Variants in COL18A1 observed in about 807,000 individuals in gnomAD.
The protein encoded by COL18A1 is collagen type XVIII alpha 1 chain, also known as collagen alpha-1(XVIII) chain.
COL18A1 carries 133 observed loss-of-function variants against 168.0 expected under a neutral mutation model. That is an observed-to-expected ratio of 0.79 (90% confidence interval 0.69 to 0.91). COL18A1 has a LOEUF of 0.91. COL18A1 is among the 40% of genes least tolerant of loss of function. COL18A1 has a pLI of 0.00. For missense variants in COL18A1, 2,126 were observed against 1,925.4 expected (o/e 1.10, Z -1.95); for synonymous variants, 949 against 809.0 (o/e 1.17, Z -2.94).
At chr21:45,413,194 C>T (rs960761164) in intron 2 of COL18A1, among the ~76,000 whole-genome samples, 2 of 152,230 alleles carry the variant, frequency 1.3e-5, no homozygotes, top group Admixed American at 6.5e-5. Flanking sequence ...TGGTTTGCAA[C>T]GTGAGTAAAA....
At chr21:45,488,289 C>A (rs2036184689) in intron 17 of COL18A1, 129 bp from the exon 18 acceptor site, 12 of 1,162,926 alleles carry the variant, frequency 1.0e-5, no homozygotes, top group Non-Finnish European at 1.4e-5. Flanking sequence ...ACCATTTTAA[C>A]TTAGTACATT....
chr21:45,496,125 C>T lies in COL18A1; in HGVS notation c.2509-375C>T, dbSNP rs115543202. On this transcript the variant is annotated intron_variant, in intron 29 of 41. Coordinates refer to ENST00000651438, the MANE Select transcript of COL18A1 (RefSeq NM_001379500.1). ...TGCCCTCCATGCCCTCCAAGCCCTC[C>T]ATGCTGGGGGTTCTCCCGCTCAGCC... 548 of 401,216 alleles carry T rather than the reference C, an allele frequency of 1.4e-3. 3 individuals carry two copies. The highest frequency in any genetic ancestry group is 0.011 in the African/African-American group (513 of 48,558). The allele number at this position is 401,216 out of a possible 1,614,324, so 24.9% of individuals were successfully genotyped here.
chr21:45,489,067 G>C (rs2036211189), intron 18 of COL18A1, among the ~76,000 whole-genome samples: 1 of 152,184 alleles, frequency 6.6e-6, no homozygotes, highest in Non-Finnish European at 1.5e-5. Flanking sequence ...GCCCACCCTG[G>C]GGCTGCACTC....
chr21:45,510,129 C>T lies in COL18A1; in HGVS notation c.3561C>T (p.Phe1187=), dbSNP rs1274874966. 2.5e-6 allele frequency: 4 copies of T among 1,600,186 alleles called. No homozygotes were observed. The highest frequency in any genetic ancestry group is 2.7e-5 in the African/African-American group (2 of 74,612). The change falls in exon 40 of 42, where the codon TTC becomes TTT. Residue 1187 remains phenylalanine, a synonymous_variant. Coordinates refer to ENST00000651438, the MANE Select transcript of COL18A1 (RefSeq NM_001379500.1). ...GGMRGIRGAD[F]QCFQQARAVG... ...TGCGGGGCATCCGCGGGGCCGACTT[C>T]CAGTGCTTCCAGCAGGCGCGGGCCG...
At position 45,512,218 on chromosome 21, in the gene COL18A1, C is replaced by G; in HGVS notation, c.3840C>G (p.Asp1280Glu). Reference sequence around the variant, plus strand: ...AGAAGAGCGTGTGGCATGGCTCGGACCCCAACGGGCGCAGGCTGACCGAGA... The same window carrying G: ...AGAAGAGCGTGTGGCATGGCTCGGAGCCCAACGGGCGCAGGCTGACCGAGA... ...WPQKSVWHGS[D>E]PNGRRLTESY... Residue 1280 changes from aspartate (D) to glutamate (E), a missense_variant, in exon 42 of 42, where the codon GAC becomes GAG. Transcript: ENST00000651438. The G allele has an allele frequency of 1.2e-6, 2 of 1,612,392 alleles. No individual in the cohort carries two copies. Among genetic ancestry groups the G allele is most frequent in the East Asian group, 2.2e-5 (1 of 44,844 alleles).
chr21:45,417,915 C>T (rs775644141), intron 2 of COL18A1, among the ~76,000 whole-genome samples: 1 of 152,260 alleles, frequency 6.6e-6, no homozygotes, highest in Non-Finnish European at 1.5e-5. Context: ...CCACCCACAG[C>T]GCAGCTGGCA....
intron 2 of COL18A1, among the ~76,000 whole-genome samples, chr21:45,466,426 G>C (rs1220652243): frequency 6.6e-6 from 1 of 152,196 alleles, no homozygotes; most frequent in East Asian, 1.9e-4. Flanking sequence ...GGTCCAGCAG[G>C]AGGGGCCGCC....
intron 33 of COL18A1, 37 bp downstream of exon 33, chr21:45,504,091 G>T (rs773830583): frequency 6.2e-7 from 1 of 1,607,262 alleles, no homozygotes; most frequent in Non-Finnish European, 8.5e-7. Context: ...GGCCCCCAAG[G>T]TCCTGTACAT....
At chr21:45,448,325 CG>C (rs2034546282) in intron 2 of COL18A1, among the ~76,000 whole-genome samples, 1 of 152,210 alleles carries the variant, frequency 6.6e-6, no homozygotes, top group Non-Finnish European at 1.5e-5. Flanking sequence ...GGTATCCATG[CG>C]TGTGCACACA....
At chr21:45,486,008 T>G (rs2838945) in intron 15 of COL18A1, among the ~76,000 whole-genome samples, 31,053 of 152,134 alleles carry the variant, frequency 0.2, 3,217 homozygotes, top group Middle Eastern at 0.26. Flanking sequence ...GAGGGGTGGT[T>G]CAGCTGGGCC....
At position 45,504,417 on chromosome 21, in the gene COL18A1, G is replaced by A. The variant is rs756140105; in HGVS notation, c.2729G>A (p.Gly910Glu). ...DFLQLEAEMK[G>E]EKGDRGDAGQ... Reference sequence around the variant, plus strand: ...TGTAACAAGTGTTTCCGTCCACAGGGGGAGAAGGGAGACCGAGGTGATGCA... The same window carrying A: ...TGTAACAAGTGTTTCCGTCCACAGGAGGAGAAGGGAGACCGAGGTGATGCA... The change falls in exon 34 of 42, where the codon GGG becomes GAG. Residue 910 changes from glycine to glutamate, a missense_variant and splice_region_variant. Transcript: ENST00000651438. 6.2e-7 allele frequency: 1 copy of A among 1,611,522 alleles called. No individual in the cohort carries two copies. The highest frequency in any genetic ancestry group is 1.1e-5 in the South Asian group (1 of 90,966).
rs560995779 is a variant in COL18A1, at chr21:45,468,935, C to T, written c.651+149C>T. The T allele has an allele frequency of 7.6e-3, 6,545 of 863,452 alleles. 300 individuals carry two copies. The African/African-American group carries it at 0.098, about 13-fold the overall frequency. The allele number at this position is 863,452 out of a possible 1,614,324, so 53.5% of individuals were successfully genotyped here. A position where few individuals can be genotyped will look rare whatever the true frequency, so the allele number is the denominator to read the frequency against. Reference sequence around the variant, plus strand: ...AGCCCGGGCCTCCAGCGCAGGCCTCCTGGGTTCTTGGCTGCTCAGCCCTGG... The same window carrying T: ...AGCCCGGGCCTCCAGCGCAGGCCTCTTGGGTTCTTGGCTGCTCAGCCCTGG... On this transcript the variant is annotated intron_variant, in intron 3 of 41. Coordinates refer to ENST00000651438, the MANE Select transcript of COL18A1 (RefSeq NM_001379500.1).
At chr21:45,453,283 ATG>A (rs1439708166) in intron 2 of COL18A1, among the ~76,000 whole-genome samples, 2 of 152,122 alleles carry the variant, frequency 1.3e-5, no homozygotes, top group Non-Finnish European at 2.9e-5. Context: ...TTATATGTAC[ATG>A]TGTGGGGGCT....
At chr21:45,417,837 G>T (rs1039567433) in intron 2 of COL18A1, among the ~76,000 whole-genome samples, 26 of 152,236 alleles carry the variant, frequency 1.7e-4, no homozygotes, top group African/African-American at 5.1e-4. Context: ...AACGCTAAGG[G>T]TGGGGAGAAT....
intron 3 of COL18A1, among the ~76,000 whole-genome samples, chr21:45,469,007 G>A (rs1057473913): frequency 5.6e-4 from 85 of 152,340 alleles, no homozygotes; most frequent in African/African-American, 1.9e-3. Context: ...GGCTGGGGTG[G>A]CATTCACTTT....
intron 2 of COL18A1, chr21:45,455,473 C>T (rs1159014698): frequency 1.0e-5 from 16 of 1,603,102 alleles, no homozygotes; most frequent in Non-Finnish European, 1.3e-5. Flanking sequence ...GCCTGGCTAG[C>T]CCCACCTCCA....
intron 2 of COL18A1, among the ~76,000 whole-genome samples, chr21:45,458,800 C>T (rs4819117): frequency 0.14 from 21,347 of 152,150 alleles, 1,844 homozygotes; most frequent in African/African-American, 0.23. Flanking sequence ...ACACCTGACC[C>T]TGCCCTAGCC....
In COL18A1 at chr21:45,479,923, TTCCCCGGGAC is replaced by T. The variant is rs776238441; in HGVS notation, c.1274_1283del (p.Pro425GlnfsTer4). Reference sequence around the variant, plus strand: ...CCAGGGCGACACCGGGCCACAAGGCTTCCCCGGGACTCCAGGGGACGTAGGTCCCAAGGGC... The same window carrying T: ...CCAGGGCGACACCGGGCCACAAGGCTTCCAGGGGACGTAGGTCCCAAGGGC... On this transcript the variant is annotated frameshift_variant, in exon 10 of 42. Transcript: ENST00000651438. LOFTEE classifies it high-confidence loss of function. 6.2e-7 allele frequency: 1 copy of T among 1,613,740 alleles called. No homozygotes were observed. Among genetic ancestry groups the T allele is most frequent in the Non-Finnish European group, 8.5e-7 (1 of 1,179,942 alleles).
intron 2 of COL18A1, among the ~76,000 whole-genome samples, chr21:45,446,065 C>G (rs988195821): frequency 3.3e-5 from 5 of 152,086 alleles, no homozygotes; most frequent in Non-Finnish European, 7.4e-5. Flanking sequence ...TTTATTTTAG[C>G]TCTTTTATTT....
Sources: gnomAD v4.1 joint callset for allele counts (sites outside exome capture counted in the v4.1 genomes callset) on GRCh38, gnomAD v4.1.1 for gene constraint, MANE v1.5 for transcripts, NCBI Gene and HGNC (gene_info 2026-07-23, HGNC 2026-07-21) for gene names.